Variants in NKPD1 observed in about 807,000 individuals in gnomAD.
The protein encoded by NKPD1 is NTPase KAP family P-loop domain containing 1, also known as NTPase KAP family P-loop domain-containing protein 1.
NKPD1 carries 37 observed loss-of-function variants against 42.2 expected under a neutral mutation model. That is an observed-to-expected ratio of 0.88 (90% CI 0.67 to 1.15). The LOEUF (loss-of-function observed/expected upper bound fraction) is 1.15, where lower values mean the gene tolerates loss of function less well. Among genes scored for constraint, NKPD1 ranks in the 50% most tolerant of loss-of-function variants. NKPD1 has a pLI of 0.00. For synonymous variants in NKPD1, 552 were observed against 536.5 expected (o/e 1.03, Z -0.40); for missense variants, 1,113 against 1,174.6 (o/e 0.95, Z 0.77).
chr19:45,159,274 C>T lies in NKPD1; in HGVS notation c.92-174G>A, dbSNP rs191602483. 7.9e-5 allele frequency among the ~76,000 whole-genome samples: 12 copies of T among 152,182 alleles called. No homozygotes were observed. The East Asian group carries it at 1.4e-3, about 17-fold the overall frequency. On this transcript the variant is annotated intron_variant, in intron 2 of 4. Transcript: ENST00000686631. ...GGGGAGGTATGGGCAGGGGAGGGAC[C>T]CAGGGTCTGTGCTGTCCCATGGCGG...
chr19:45,158,702 C>G lies in NKPD1; in HGVS notation c.490G>C (p.Ala164Pro). 3.4e-6 allele frequency: 4 copies of G among 1,190,444 alleles called. No homozygotes were observed. The highest frequency in any genetic ancestry group is 4.3e-6 in the Non-Finnish European group (4 of 939,076). The allele number at this position is 1,190,444 out of a possible 1,614,324, so 73.7% of individuals were successfully genotyped here. A position where few individuals can be genotyped will look rare whatever the true frequency, so the allele number is the denominator to read the frequency against. The change falls in exon 3 of 5, where the codon GCC becomes CCC. Residue 164 changes from alanine to proline, a missense_variant. Coordinates refer to ENST00000686631, the MANE Select transcript of NKPD1 (RefSeq NM_198478.4). The surrounding 1 kb of genome is among the most constrained non-coding windows in gnomAD (Gnocchi z 4.6). ...SEPTDARPLP[A>P]PAACGSFTAY... ...GTGAAGGAGCCACAGGCCGCTGGGG[C>G]GGGCAGGGGCCGGGCATCAGTGGGC... is the stretch of plus-strand genomic sequence containing the variant.
At chr19:45,161,330 G>T (rs1294815874), upstream of NKPD1, among the ~76,000 whole-genome samples, 1 of 152,192 alleles carries the variant, frequency 6.6e-6, no homozygotes, top group South Asian at 2.1e-4. Context: ...TGCTGAGTGG[G>T]CACCTGCCTC....
In NKPD1 at chr19:45,158,704, G is replaced by A. The variant is rs960056534; in HGVS notation, c.488C>T (p.Pro163Leu). The change falls in exon 3 of 5, where the codon CCC becomes CTC. Residue 163 changes from proline to leucine, a missense_variant. By Grantham distance (98) the Pro-to-Leu change is moderately conservative. Transcript: ENST00000686631. This position sits in a 1 kb window ranked among gnomAD's most constrained non-coding sequence, Gnocchi z 4.6. ...GAAGGAGCCACAGGCCGCTGGGGCG[G>A]GCAGGGGCCGGGCATCAGTGGGCTC... is the stretch of plus-strand genomic sequence containing the variant. ...PSEPTDARPL[P>L]APAACGSFTA... The A allele has an allele frequency of 8.4e-7, 1 of 1,193,604 alleles. No homozygotes were observed. The highest frequency in any genetic ancestry group is 3.6e-5 in the Admixed American group (1 of 28,014). 73.9% of individuals were successfully genotyped at this position (1,193,604 alleles called of 1,614,324 possible). A position where few individuals can be genotyped will look rare whatever the true frequency, so the allele number is the denominator to read the frequency against.
chr19:45,156,846 C>T (rs1968912266), intron 3 of NKPD1, among the ~76,000 whole-genome samples: 1 of 152,212 alleles, frequency 6.6e-6, no homozygotes, highest in Non-Finnish European at 1.5e-5. Flanking sequence ...AAACGGGCCA[C>T]ACCTGGCGGC....
chr19:45,155,282 C>A (rs1055518000), intron 4 of NKPD1, among the ~76,000 whole-genome samples: 1 of 152,046 alleles, frequency 6.6e-6, no homozygotes, highest in East Asian at 1.9e-4. Context: ...CGCACCATTG[C>A]ACTCCAGCCT....
Position 45,153,510 on chromosome 19 carries a change from G to T in NKPD1, c.927C>A (p.Gly309=). Residue 309 remains glycine (G), a synonymous_variant, in exon 5 of 5, where the codon GGC becomes GGA. Transcript: ENST00000686631. ...CCGAGTACACGCTGAAGGGCAGTGC[G>T]CCATAGTGGCGGCGGATGCCCTCGC... ...TLCEGIRRHY[G]ALPFSVYSVL... is the part of the protein sequence containing the mutation. 6.4e-7 allele frequency: 1 copy of T among 1,552,630 alleles called. No homozygotes were observed.
Position 45,153,287 on chromosome 19 carries a change from C to T in NKPD1, c.1150G>A (p.Ala384Thr), listed in dbSNP as rs573905490. 6 of 1,593,774 alleles carry T rather than the reference C, an allele frequency of 3.8e-6. No individual in the cohort carries two copies. In the Admixed American group the frequency reaches 5.2e-5, roughly 14 times the overall value. The change falls in exon 5 of 5, where the codon GCC becomes ACC. Residue 384 changes from alanine (A) to threonine (T), a missense_variant. Physicochemically the swap from Ala to Thr is moderately conservative, Grantham distance 58. Transcript: ENST00000686631. Reference protein sequence around the residue: ...GSLLKVFGGAATTLSGSGLLM... With the variant: ...GSLLKVFGGATTTLSGSGLLM... ...AGCCCCGAGCCCGACAGTGTGGTGG[C>T]CGCGCCGCCAAACACCTTGAGCAGG...
chr19:45,162,404 AC>A (rs1356460532), upstream of NKPD1, among the ~76,000 whole-genome samples: 1 of 151,784 alleles, frequency 6.6e-6, no homozygotes, highest in African/African-American at 2.4e-5. Context: ...TTTGGGGTTC[AC>A]CCCCAGCCTT....
upstream of NKPD1, among the ~76,000 whole-genome samples, chr19:45,161,977 C>T (rs1003987130): frequency 1.9e-4 from 8 of 41,264 alleles, no homozygotes; most frequent in Admixed American, 7.8e-4. Context: ...GCCCTTCCTG[C>T]GACCTGGGAC....
In NKPD1 at chr19:45,153,358, A is replaced by G. The variant is rs889902788; in HGVS notation, c.1079T>C (p.Leu360Ser). 6.4e-7 allele frequency: 1 copy of G among 1,569,204 alleles called. No homozygotes were observed. Among genetic ancestry groups the G allele is most frequent in the South Asian group, 1.2e-5 (1 of 86,556 alleles). ...GCCCAGCGCGTGGCCGCCCAGTGAC[A>G]AGTAGAGCAGCCCCACACCCAGGCC... ...ALGLGVGLLY[L>S]SLGGHALGHG... The change falls in exon 5 of 5, where the codon TTG (leucine) becomes TCG (serine). Residue 360 changes from leucine (L) to serine (S), a missense_variant. By Grantham distance (145) the Leu-to-Ser change is moderately radical. This residue lies in a region of NKPD1 where 867 missense variants were observed against 870.1 expected (regional missense o/e 1.00). Coordinates refer to ENST00000686631, the MANE Select transcript of NKPD1 (RefSeq NM_198478.4).
Position 45,152,168 on chromosome 19 carries a change from T to A in NKPD1, c.2269A>T (p.Ile757Phe), listed in dbSNP as rs772806105. The A allele has an allele frequency of 1.3e-6, 2 of 1,596,410 alleles. No homozygotes were observed. The highest frequency in any genetic ancestry group is 3.5e-5 in the Admixed American group (2 of 56,988). The stretch of plus-strand genomic sequence containing the variant: ...GGCTTGAGCGCGCTGACGGCTCGGA[T>A]GAGACCCATGCGCCGGCGGATGGAG... ...DHSIRRRMGL[I>F]RAVSALKPPS... The change falls in exon 5 of 5, where the codon ATC becomes TTC. Residue 757 changes from isoleucine (I) to phenylalanine (F), a missense_variant. Around this residue, in one of 3 missense-constraint regions of NKPD1, gnomAD observed 867 missense variants for 870.1 expected, o/e 1.00. Transcript: ENST00000686631.
At position 45,151,802 on chromosome 19, in the gene NKPD1, G is replaced by A; in HGVS notation, c.*136C>T. ...CCTTGGAAGCTATGTCCACGGCTCT[G>A]GCTCAGGTTCACCTGGGGGTGTGGG... On this transcript the variant is annotated 3_prime_UTR_variant, in exon 5 of 5. Coordinates refer to ENST00000686631, the MANE Select transcript of NKPD1 (RefSeq NM_198478.4). The A allele has an allele frequency of 1.1e-6, 1 of 947,724 alleles. No homozygotes were observed. Among genetic ancestry groups the A allele is most frequent in the East Asian group, 2.9e-5 (1 of 34,004 alleles). 58.7% of individuals were successfully genotyped at this position (947,724 alleles called of 1,614,324 possible). A position where few individuals can be genotyped will look rare whatever the true frequency, so the allele number is the denominator to read the frequency against.
In NKPD1 at chr19:45,153,402, C is replaced by A; in HGVS notation, c.1035G>T (p.Leu345=). 1 of 1,554,478 alleles carries A rather than the reference C, an allele frequency of 6.4e-7. No homozygotes were observed. The change falls in exon 5 of 5, where the codon CTG becomes CTT. Residue 345 remains leucine, a synonymous_variant. Coordinates refer to ENST00000686631, the MANE Select transcript of NKPD1 (RefSeq NM_198478.4). The part of the protein sequence containing the change: ...HCRRRVCLGL[L]ALLAALGLGV... ...CCAGGCCCAGCGCCGCCAGCAGCGC[C>A]AGCAGCCCCAGGCACACGCGGCGCC...
At chr19:45,156,199 G>A (rs1325085078) in intron 3 of NKPD1, among the ~76,000 whole-genome samples, 1 of 152,190 alleles carries the variant, frequency 6.6e-6, no homozygotes, top group Non-Finnish European at 1.5e-5. Context: ...CCTGGCCCTA[G>A]GTCACCAGGC....
At chr19:45,160,014 C>T (rs1968976659) in intron 2 of NKPD1, 46 bp downstream of exon 2, 1 of 1,137,270 alleles carries the variant, frequency 8.8e-7, no homozygotes, top group African/African-American at 1.6e-5. Flanking sequence ...CTGGCTTCCT[C>T]ACAGGCCTCT....
chr19:45,155,325 A>G (rs1968882514), intron 4 of NKPD1, among the ~76,000 whole-genome samples: 1 of 152,148 alleles, frequency 6.6e-6, no homozygotes, highest in Non-Finnish European at 1.5e-5. Flanking sequence ...TCAAAAAAAA[A>G]AAGCTGCTGG....
intron 3 of NKPD1, among the ~76,000 whole-genome samples, chr19:45,157,747 C>CA: frequency 1.1e-5 from 1 of 89,474 alleles, no homozygotes; most frequent in South Asian, 3.5e-4. Context: ...TTTTTTGAGA[C>CA]AGAGTCTTGC....
chr19:45,161,115 C>T (rs554788530), upstream of NKPD1, among the ~76,000 whole-genome samples: 2 of 152,318 alleles, frequency 1.3e-5, no homozygotes, highest in African/African-American at 2.4e-5. Context: ...ACTGGGACTC[C>T]GACTGGACTC....
Position 45,158,530 on chromosome 19 carries a change from C to A in NKPD1, c.529+133G>T, listed in dbSNP as rs1005240449. The A allele has an allele frequency of 3.9e-6, 4 of 1,014,996 alleles. No homozygotes were observed. The highest frequency in any genetic ancestry group is 2.9e-5 in the South Asian group (1 of 35,040). The allele number at this position is 1,014,996 out of a possible 1,614,324, so 62.9% of individuals were successfully genotyped here. On this transcript the variant is annotated intron_variant, in intron 3 of 4. Transcript: ENST00000686631. The surrounding 1 kb of genome is among the most constrained non-coding windows in gnomAD (Gnocchi z 4.6). ...CCTGAGCCCCATGGCCAGGGACGCACCCCTCCTAGATAGGGAACAGGGTGT... is the reference window on the plus strand; with the variant it reads ...CCTGAGCCCCATGGCCAGGGACGCAACCCTCCTAGATAGGGAACAGGGTGT...
Sources: allele counts gnomAD v4.1 joint callset (sites outside exome capture counted in the v4.1 genomes callset), GRCh38; gene constraint gnomAD v4.1.1; regional missense constraint gnomAD v4.1.1; non-coding constraint Gnocchi (gnomAD v3.1); transcripts MANE v1.5; gene names NCBI Gene and HGNC (gene_info 2026-07-23, HGNC 2026-07-21).